Variants in GLRA3 observed in about 807,000 individuals in gnomAD.
GLRA3 encodes glycine receptor subunit alpha-3.
In GLRA3, 44 loss-of-function variants were observed where a neutral mutation model predicts 60.4. The ratio of observed to expected loss-of-function variants is 0.73; its 90% confidence interval spans 0.57 to 0.94. The LOEUF is 0.94. GLRA3 is among the 40% of genes least tolerant of loss of function. The pLI, the probability that GLRA3 is intolerant of heterozygous loss-of-function variation, is 0.00. For missense variants in GLRA3, 508 were observed against 564.6 expected (o/e 0.90, Z 1.02); for synonymous variants, 223 against 192.9 (o/e 1.16, Z -1.29).
At chr4:174,759,817 C>A (rs1160298289) in intron 3 of GLRA3, among the ~76,000 whole-genome samples, 2 of 152,048 alleles carry the variant, frequency 1.3e-5, no homozygotes, top group Non-Finnish European at 2.9e-5. Flanking sequence ...AAAATAAATG[C>A]CTACCTTACA....
At chr4:174,647,530 G>A (rs1310435254) in intron 9 of GLRA3, among the ~76,000 whole-genome samples, 1 of 152,092 alleles carries the variant, frequency 6.6e-6, no homozygotes, top group African/African-American at 2.4e-5. Context: ...TACTTGGAAG[G>A]ACACTGCCCT....
chr4:174,726,688 C>T (rs1312212003), intron 4 of GLRA3, among the ~76,000 whole-genome samples: 2 of 152,128 alleles, frequency 1.3e-5, no homozygotes, highest in Non-Finnish European at 1.5e-5. Flanking sequence ...CACAGCCAGC[C>T]TGTGCTTATA....
intron 2 of GLRA3, among the ~76,000 whole-genome samples, chr4:174,768,647 T>C (rs564143190): frequency 1.3e-3 from 191 of 152,276 alleles, no homozygotes; most frequent in African/African-American, 4.3e-3. Context: ...AGCTGATTCA[T>C]AGATATTTAA....
intron 3 of GLRA3, among the ~76,000 whole-genome samples, chr4:174,758,780 A>G (rs1299394328): frequency 1.3e-5 from 2 of 152,146 alleles, no homozygotes; most frequent in African/African-American, 2.4e-5. Flanking sequence ...GACCTAAACT[A>G]TTCTAAAATA....
At chr4:174,680,254 G>C (rs1320120984) in intron 6 of GLRA3, among the ~76,000 whole-genome samples, 1 of 152,120 alleles carries the variant, frequency 6.6e-6, no homozygotes, top group Non-Finnish European at 1.5e-5. Flanking sequence ...CTCAGTATAT[G>C]TGGATCTGAT....
At chr4:174,782,064 C>T (rs1738900490) in intron 2 of GLRA3, among the ~76,000 whole-genome samples, 1 of 147,980 alleles carries the variant, frequency 6.8e-6, no homozygotes, top group African/African-American at 2.5e-5. Context: ...TGCAAAAATC[C>T]TCAATAAAAT....
chr4:174,763,713 C>G (rs1738026921), intron 3 of GLRA3, among the ~76,000 whole-genome samples: 1 of 152,144 alleles, frequency 6.6e-6, no homozygotes, highest in African/African-American at 2.4e-5. Flanking sequence ...GAAATAATCA[C>G]GTGCTTCTTT....
At chr4:174,747,558 A>G (rs1429688739) in intron 3 of GLRA3, among the ~76,000 whole-genome samples, 1 of 152,164 alleles carries the variant, frequency 6.6e-6, no homozygotes, top group East Asian at 1.9e-4. Context: ...GCAGAGTTAG[A>G]TTCTGTGACG....
intron 1 of GLRA3, among the ~76,000 whole-genome samples, chr4:174,825,309 T>A (rs1740923247): frequency 6.6e-6 from 1 of 152,090 alleles, no homozygotes; most frequent in Non-Finnish European, 1.5e-5. Flanking sequence ...ATTCCTCTCA[T>A]CCTCCAAAAC....
intron 4 of GLRA3, among the ~76,000 whole-genome samples, 195 bp from the exon 5 acceptor site, chr4:174,715,765 G>GA (rs1219543585): frequency 2.6e-5 from 4 of 152,248 alleles, no homozygotes; most frequent in African/African-American, 7.2e-5. Context: ...CTGGGGGTTG[G>GA]ATAATTGCAT....
At chr4:174,815,564 G>T (rs149830730) in intron 1 of GLRA3, among the ~76,000 whole-genome samples, 1,836 of 152,278 alleles carry the variant, frequency 0.012, 14 homozygotes, top group Middle Eastern at 0.024. Context: ...AAATCTGGGT[G>T]GAGGTTCCCA....
At chr4:174,777,697 A>T (rs1020393955) in intron 2 of GLRA3, among the ~76,000 whole-genome samples, 1 of 152,214 alleles carries the variant, frequency 6.6e-6, no homozygotes, top group East Asian at 1.9e-4. Context: ...ACTCTAATGT[A>T]AATTATGGAT....
chr4:174,737,693 G>A (rs1021726640), intron 3 of GLRA3, among the ~76,000 whole-genome samples: 6 of 152,168 alleles, frequency 3.9e-5, no homozygotes, highest in African/African-American at 1.4e-4. Flanking sequence ...TGTATTTTTA[G>A]TAGAGACGGG....
At chr4:174,737,090 T>C (rs1353240105) in intron 3 of GLRA3, among the ~76,000 whole-genome samples, 2 of 152,154 alleles carry the variant, frequency 1.3e-5, no homozygotes, top group Non-Finnish European at 2.9e-5. Flanking sequence ...TAATCAGTGT[T>C]TTTTTTAAAA....
intron 3 of GLRA3, among the ~76,000 whole-genome samples, chr4:174,732,306 G>A (rs1736582603): frequency 6.7e-6 from 1 of 149,630 alleles, no homozygotes; most frequent in Non-Finnish European, 1.5e-5. Flanking sequence ...AGTGAGCCGA[G>A]ATCACGCCTC....
At chr4:174,695,394 T>A (rs1371844246) in intron 5 of GLRA3, among the ~76,000 whole-genome samples, 1 of 152,090 alleles carries the variant, frequency 6.6e-6, no homozygotes, top group Non-Finnish European at 1.5e-5. Flanking sequence ...TCCACCATGA[T>A]CAAGTAGGCT....
rs775429142 is a variant in GLRA3, at chr4:174,659,047, C to G, written c.1071+7G>C. 16 of 1,610,228 alleles carry G rather than the reference C, an allele frequency of 9.9e-6. No homozygotes were observed. The South Asian group carries it at 1.7e-4, about 17-fold the overall frequency. On this transcript the variant is annotated splice_region_variant and intron_variant, in intron 8 of 9. Transcript: ENST00000274093. ...TTCTGCCAAACCCAATACGTTTAATCACTTACCTTATTCTTTCTCTTTCGT... is the reference window on the plus strand; with the variant it reads ...TTCTGCCAAACCCAATACGTTTAATGACTTACCTTATTCTTTCTCTTTCGT...
chr4:174,751,345 T>C (rs1020202548), intron 3 of GLRA3, among the ~76,000 whole-genome samples: 1 of 152,110 alleles, frequency 6.6e-6, no homozygotes, highest in African/African-American at 2.4e-5. Flanking sequence ...AATCATTTTA[T>C]GAGTGAAATA....
chr4:174,668,673 T>G (rs897107223), intron 7 of GLRA3, among the ~76,000 whole-genome samples: 6 of 152,166 alleles, frequency 3.9e-5, no homozygotes, highest in Non-Finnish European at 8.8e-5. Context: ...AGTTTAAACT[T>G]AAGAAAAAGA....
Sources: allele counts gnomAD v4.1 joint callset (sites outside exome capture counted in the v4.1 genomes callset), GRCh38; gene constraint gnomAD v4.1.1; transcripts MANE v1.5; gene names NCBI Gene and HGNC (gene_info 2026-07-23, HGNC 2026-07-21).